The following BMP1 variants were observed in gnomAD, a reference collection of about 807,000 sequenced individuals.
The protein encoded by BMP1 is bone morphogenetic protein 1.
In BMP1, 63 loss-of-function variants were observed where a neutral mutation model predicts 116.8. The ratio of observed to expected loss-of-function variants is 0.54; its 90% CI spans 0.44 to 0.67. The LOEUF is 0.67. BMP1 is among the 30% of genes least tolerant of loss of function. The pLI, the probability that BMP1 is intolerant of heterozygous loss-of-function variation, is 0.00. For missense variants in BMP1, 1,183 were observed against 1,358.9 expected (o/e 0.87, Z 2.04); for synonymous variants, 536 against 533.4 (o/e 1.00, Z -0.07).
At chr8:22,201,725 A>T in intron 15 of BMP1, 78 bp from the exon 16 acceptor site, 1 of 1,585,824 alleles carries the variant, frequency 6.3e-7, no homozygotes, top group East Asian at 2.3e-5. Flanking sequence ...AAGTCCAGCC[A>T]GGCCTCCACT....
intron 8 of BMP1, among the ~76,000 whole-genome samples, chr8:22,183,765 C>CA (rs1554482102): frequency 2.6e-5 from 4 of 152,022 alleles, no homozygotes; most frequent in Admixed American, 6.6e-5. Context: ...TTAGTAGAGA[C>CA]GGGTTTCTCC....
rs1258689030 is a variant in BMP1, at chr8:22,211,907, A to T, written c.*179A>T. On this transcript the variant is annotated 3_prime_UTR_variant, in exon 20 of 20. Transcript: ENST00000306385. ...GGGGAACTGGACTCCGGCATAAGCCACTTCCCCACAAACCCCCACCAGCAA... is the reference window on the plus strand; with the variant it reads ...GGGGAACTGGACTCCGGCATAAGCCTCTTCCCCACAAACCCCCACCAGCAA... 3.4e-6 allele frequency: 3 copies of T among 885,022 alleles called. No homozygotes were observed. In the East Asian group the frequency reaches 8.1e-5, roughly 24 times the overall value. 54.8% of individuals were successfully genotyped at this position (885,022 alleles called of 1,614,324 possible).
At chr8:22,192,265 G>C in intron 9 of BMP1, 114 bp downstream of exon 9, 1 of 884,574 alleles carries the variant, frequency 1.1e-6, no homozygotes, top group Non-Finnish European at 1.8e-6. Context: ...TGACAACCTG[G>C]TATGGGAGCC....
At position 22,176,262 on chromosome 8, in the gene BMP1, CGT is replaced by C; in HGVS notation, c.388_389del (p.Trp130AlafsTer16). The C allele has an allele frequency of 6.2e-7, 1 of 1,612,696 alleles. No homozygotes were observed. On this transcript the variant is annotated frameshift_variant, in exon 3 of 20. Coordinates refer to ENST00000306385, the MANE Select transcript of BMP1 (RefSeq NM_006129.5). LOFTEE classifies it high-confidence loss of function. ...GCGGGCGGCGACGTCCCGACCAGAG[CGT>C]GTGTGGCCCGATGGGGTCATCCCCT... Reference protein sequence around the residue: ...SRRAATSRPERVWPDGVIPFV... With the variant: ...SRRAATSRPEXVWPDGVIPFV...
At chr8:22,211,547 C>A (rs186702556) in intron 19 of BMP1, 47 bp from the exon 20 acceptor site, 3 of 1,612,420 alleles carry the variant, frequency 1.9e-6, no homozygotes, top group Admixed American at 3.3e-5. Context: ...AGGACAGCAG[C>A]CCCAGCCCCT....
chr8:22,196,259 T>G, intron 13 of BMP1: 1 of 534,784 alleles, frequency 1.9e-6, no homozygotes, highest in South Asian at 1.4e-5. Flanking sequence ...GGTCCCGAGA[T>G]GCTGGGGACA....
Position 22,194,202 on chromosome 8 carries a change from A to G in BMP1, c.1297+28A>G. On this transcript the variant is annotated intron_variant, in intron 10 of 19. Coordinates refer to ENST00000306385, the MANE Select transcript of BMP1 (RefSeq NM_006129.5). This position sits in a 1 kb window ranked among gnomAD's most constrained non-coding sequence, Gnocchi z 4.5. ...ACTGAGGAAGGCGGCGGGCGGGAGG[A>G]GTCAGATAGGAGGTCTCTGGGCATG... 6.3e-7 allele frequency: 1 copy of G among 1,599,142 alleles called. No homozygotes were observed. The highest frequency in any genetic ancestry group is 8.6e-7 in the Non-Finnish European group (1 of 1,166,382).
rs773378296 is a variant in BMP1, at chr8:22,194,084, G to A, written c.1207G>A (p.Glu403Lys). Residue 403 changes from glutamate (E) to lysine (K), a missense_variant, in exon 10 of 20, where the codon GAG (glutamate) becomes AAG (lysine). Around this residue, in one of 4 missense-constraint regions of BMP1, gnomAD observed 956 missense variants for 1,135.2 expected, o/e 0.84. Transcript: ENST00000306385. The surrounding 1 kb of genome is among the most constrained non-coding windows in gnomAD (Gnocchi z 4.5). Reference sequence around the variant, plus strand: ...CCGCTTCTGCGGGTCCAAACTCCCTGAGCCTATCGTCTCCACTGACAGCCG... The same window carrying A: ...CCGCTTCTGCGGGTCCAAACTCCCTAAGCCTATCGTCTCCACTGACAGCCG... Reference protein sequence around the residue: ...RGRFCGSKLPEPIVSTDSRLW... With the variant: ...RGRFCGSKLPKPIVSTDSRLW... 6.2e-7 allele frequency: 1 copy of A among 1,614,202 alleles called. No homozygotes were observed. The highest frequency in any genetic ancestry group is 8.5e-7 in the Non-Finnish European group (1 of 1,180,046).
intron 15 of BMP1, chr8:22,201,306 A>G: frequency 1.3e-6 from 2 of 1,510,472 alleles, no homozygotes; most frequent in Admixed American, 4.6e-5. Flanking sequence ...CCACTCTGCC[A>G]TTCCGGCCCA....
intron 8 of BMP1, among the ~76,000 whole-genome samples, chr8:22,188,833 C>T (rs990652099): frequency 1.3e-4 from 20 of 152,326 alleles, no homozygotes; most frequent in African/African-American, 4.3e-4. Context: ...TCATCCTCCC[C>T]AGACAGAGCC....
At chr8:22,202,495 C>A (rs992274745) in intron 16 of BMP1, among the ~76,000 whole-genome samples, 6 of 152,256 alleles carry the variant, frequency 3.9e-5, no homozygotes, top group African/African-American at 1.4e-4. Flanking sequence ...CTTATAACCC[C>A]TGGGGATGGT....
intron 15 of BMP1, chr8:22,201,542 G>A: frequency 7.1e-7 from 1 of 1,414,778 alleles, no homozygotes. Flanking sequence ...GCAGGTAATG[G>A]TGACCCATGC....
intron 15 of BMP1, among the ~76,000 whole-genome samples, chr8:22,199,736 T>A (rs1395572132): frequency 6.6e-6 from 1 of 152,166 alleles, no homozygotes; most frequent in Admixed American, 6.5e-5. Flanking sequence ...AACCCCAGGA[T>A]GGCTCATAGG....
At chr8:22,191,528 G>T (rs969530603) in intron 8 of BMP1, among the ~76,000 whole-genome samples, 1 of 152,172 alleles carries the variant, frequency 6.6e-6, no homozygotes, top group Non-Finnish European at 1.5e-5. Context: ...GCTTAAGCCT[G>T]GGAGGTGGAG....
rs1402025006 is a variant in BMP1 at position 22,211,953 on chromosome 8, G to T, written c.*225G>T. On this transcript the variant is annotated 3_prime_UTR_variant, in exon 20 of 20. Transcript: ENST00000306385. ...AGCAAGGGGCTGGGGCCAGGGAGCA[G>T]AGCTTCCACAAGACATTTCGAAGTC... 6.4e-6 allele frequency: 4 copies of T among 623,210 alleles called. No individual in the cohort carries two copies. The highest frequency in any genetic ancestry group is 1.8e-5 in the African/African-American group (1 of 54,330). The allele number at this position is 623,210 out of a possible 1,614,324, so 38.6% of individuals were successfully genotyped here.
At chr8:22,207,868 T>A (rs1019300838) in intron 18 of BMP1, among the ~76,000 whole-genome samples, 33 of 150,414 alleles carry the variant, frequency 2.2e-4, no homozygotes, top group African/African-American at 6.0e-4. Context: ...ATATTTATTT[T>A]TTTATTTTTA....
chr8:22,194,001 C>A lies in BMP1; in HGVS notation c.1181-57C>A. On this transcript the variant is annotated intron_variant, in intron 9 of 19. Transcript: ENST00000306385. The surrounding 1 kb of genome is among the most constrained non-coding windows in gnomAD (Gnocchi z 4.5). ...ACCCAAGCCTCCTGGAGAGGTGGGGCCTCTATAGGGGGTGTCCTCAGGGTT... is the reference window on the plus strand; with the variant it reads ...ACCCAAGCCTCCTGGAGAGGTGGGGACTCTATAGGGGGTGTCCTCAGGGTT... The A allele has an allele frequency of 1.4e-6, 2 of 1,421,258 alleles. No individual in the cohort carries two copies. The highest frequency in any genetic ancestry group is 2.0e-6 in the Non-Finnish European group (2 of 1,007,798). The allele number at this position is 1,421,258 out of a possible 1,614,324, so 88.0% of individuals were successfully genotyped here. A position where few individuals can be genotyped will look rare whatever the true frequency, so the allele number is the denominator to read the frequency against.
chr8:22,173,783 C>T, intron 2 of BMP1, 68 bp downstream of exon 2: 1 of 1,314,706 alleles, frequency 7.6e-7, no homozygotes, highest in Non-Finnish European at 1.1e-6. Flanking sequence ...AACAAGGAAT[C>T]TCCCTGTTCC....
At position 22,206,999 on chromosome 8, in the gene BMP1, C is replaced by T; in HGVS notation, c.2361+18C>T. 2.5e-6 allele frequency: 4 copies of T among 1,613,538 alleles called. No homozygotes were observed. In the South Asian group the frequency reaches 4.4e-5, roughly 18 times the overall value. ...TCAAGCTGGTAAGGGGTCCCCTCCC[C>T]ACTCCTTATGCGGTGTGGCTGCCCC... is the stretch of plus-strand genomic sequence containing the variant. On this transcript the variant is annotated intron_variant, in intron 17 of 19. Coordinates refer to ENST00000306385, the MANE Select transcript of BMP1 (RefSeq NM_006129.5).
Sources: gnomAD v4.1 joint callset for allele counts (sites outside exome capture counted in the v4.1 genomes callset) on GRCh38, gnomAD v4.1.1 for gene constraint, gnomAD v4.1.1 regional missense constraint, Gnocchi (gnomAD v3.1) non-coding constraint, MANE v1.5 for transcripts, NCBI Gene and HGNC (gene_info 2026-07-23, HGNC 2026-07-21) for gene names.